DOCK8: variants seen among roughly 807,000 people sequenced by gnomAD.
DOCK8 encodes the protein dedicator of cytokinesis 8, also known as dedicator of cytokinesis protein 8.
Under a neutral mutation model 245.6 loss-of-function variants are expected in DOCK8, and 141 were observed. The ratio of observed to expected loss-of-function variants is 0.57; its 90% CI spans 0.50 to 0.66. The LOEUF is 0.66. DOCK8 is among the 30% of genes least tolerant of loss of function. The pLI is 0.00. For synonymous variants in DOCK8, 1,168 were observed against 970.2 expected (o/e 1.20, Z -3.79); for missense variants, 2,965 against 2,603.4 (o/e 1.14, Z -3.02).
At chr9:403,334 G>A (rs1213090528) in intron 26 of DOCK8, among the ~76,000 whole-genome samples, 1 of 152,170 alleles carries the variant, frequency 6.6e-6, no homozygotes, top group African/African-American at 2.4e-5. Context: ...TAAGTGACAG[G>A]CACATGACCA....
intron 14 of DOCK8, among the ~76,000 whole-genome samples, chr9:354,679 G>A (rs1255388287): frequency 6.6e-6 from 1 of 152,164 alleles, no homozygotes; most frequent in Non-Finnish European, 1.5e-5. Context: ...CTGTTGGCAG[G>A]ATGCAGTTGC....
At chr9:283,861 C>T (rs1287203642) in intron 2 of DOCK8, among the ~76,000 whole-genome samples, 2 of 152,036 alleles carry the variant, frequency 1.3e-5, no homozygotes, top group African/African-American at 4.8e-5. Flanking sequence ...GGTTCCATCC[C>T]GTGGATGTCT....
At chr9:437,553 A>T (rs2056946044) in intron 39 of DOCK8, among the ~76,000 whole-genome samples, 1 of 152,224 alleles carries the variant, frequency 6.6e-6, no homozygotes. Context: ...CTAAATCAGG[A>T]TGCCTTACTT....
upstream of DOCK8, among the ~76,000 whole-genome samples, chr9:212,455 TC>T: frequency 6.6e-6 from 1 of 152,300 alleles, no homozygotes; most frequent in African/African-American, 2.4e-5. Flanking sequence ...CCCAGAGTTC[TC>T]TCTGGACAGA....
intron 7 of DOCK8, among the ~76,000 whole-genome samples, chr9:324,593 C>T (rs2050671955): frequency 6.6e-6 from 1 of 152,162 alleles, no homozygotes; most frequent in Admixed American, 6.5e-5. Context: ...TTCTAGCTCT[C>T]ATGGGGCCCA....
intron 27 of DOCK8, among the ~76,000 whole-genome samples, chr9:406,097 G>C (rs113301756): frequency 0.01 from 1,556 of 152,262 alleles, 19 homozygotes; most frequent in African/African-American, 0.034. Context: ...ACAAATACAG[G>C]ACAGGAATTA....
At chr9:409,621 G>A (rs1337949439) in intron 28 of DOCK8, among the ~76,000 whole-genome samples, 5 of 151,904 alleles carry the variant, frequency 3.3e-5, no homozygotes, top group Non-Finnish European at 1.5e-5. Context: ...TAGGGTACAT[G>A]TATACAACAT....
intron 9 of DOCK8, 85 bp downstream of exon 9, chr9:328,256 C>G: frequency 6.8e-7 from 1 of 1,476,144 alleles, no homozygotes; most frequent in Non-Finnish European, 9.2e-7. Flanking sequence ...CACGCAATCT[C>G]AGAATGTGTC....
chr9:345,134 A>G (rs540193499), intron 14 of DOCK8, among the ~76,000 whole-genome samples: 15 of 152,330 alleles, frequency 9.8e-5, no homozygotes, highest in African/African-American at 3.6e-4. Flanking sequence ...TCATTCCAAG[A>G]GTCTGTCAGG....
rs12344412 is a variant in DOCK8, at chr9:316,685, G to A, written c.742-358G>A. On this transcript the variant is annotated intron_variant, in intron 6 of 47. Coordinates refer to ENST00000432829, the MANE Select transcript of DOCK8 (RefSeq NM_203447.4). The stretch of plus-strand genomic sequence containing the variant: ...CCTTGACAGGAGAAATATTGCAAAT[G>A]TGTAATTAGAGTGGGCAAAAAACAC... Among the ~76,000 whole-genome samples the A allele has an allele frequency of 0.014, 2,107 of 152,286 alleles. 51 individuals carry two copies. The highest frequency in any genetic ancestry group is 0.048 in the African/African-American group (1,990 of 41,554).
chr9:299,620 T>A (rs1226484648), intron 4 of DOCK8, among the ~76,000 whole-genome samples: 27 of 151,958 alleles, frequency 1.8e-4, no homozygotes, highest in African/African-American at 6.3e-4. Flanking sequence ...TATTCAGAGT[T>A]CACCTGTTTA....
intron 2 of DOCK8, among the ~76,000 whole-genome samples, chr9:283,648 GTCTT>G (rs1368903352): frequency 2.0e-5 from 3 of 152,098 alleles, no homozygotes; most frequent in East Asian, 3.9e-4. Context: ...TGTGATATCT[GTCTT>G]TCTGTTTCTG....
At chr9:432,511 C>T (rs2056755820) in intron 37 of DOCK8, among the ~76,000 whole-genome samples, 187 bp downstream of exon 37, 2 of 152,096 alleles carry the variant, frequency 1.3e-5, no homozygotes, top group East Asian at 1.9e-4. Context: ...CATCACTGTC[C>T]CCAGTCTCAA....
chr9:230,026 G>A (rs188248858), intron 1 of DOCK8, among the ~76,000 whole-genome samples: 4,641 of 151,126 alleles, frequency 0.031, 214 homozygotes, highest in African/African-American at 0.11. Context: ...TTAGCATTAG[G>A]TATATCTCCT....
chr9:375,922 A>G (rs2053495757), intron 18 of DOCK8, among the ~76,000 whole-genome samples: 2 of 152,200 alleles, frequency 1.3e-5, no homozygotes, highest in African/African-American at 4.8e-5. Flanking sequence ...ATTTGAGCCC[A>G]GGAGGTCGAG....
intron 1 of DOCK8, among the ~76,000 whole-genome samples, chr9:219,712 C>T (rs1283201304): frequency 1.3e-5 from 2 of 152,066 alleles, no homozygotes; most frequent in African/African-American, 4.8e-5. Context: ...GCCTGGGCAA[C>T]ATAGCAAAAC....
At chr9:445,996 C>A (rs1418965280) in intron 43 of DOCK8, among the ~76,000 whole-genome samples, 1 of 152,230 alleles carries the variant, frequency 6.6e-6, no homozygotes, top group Non-Finnish European at 1.5e-5. Flanking sequence ...TTAGTTCGGC[C>A]ATTCATGCTT....
rs2131813614 is a variant in DOCK8 at position 441,915 on chromosome 9, T to A, written c.5396T>A (p.Phe1799Tyr). The change falls in exon 42 of 48, where the codon TTC (phenylalanine) becomes TAC (tyrosine). Residue 1799 changes from phenylalanine (F) to tyrosine (Y), a missense_variant. Physicochemically the swap from Phe to Tyr is conservative, Grantham distance 22. Around this residue, in one of 3 missense-constraint regions of DOCK8, gnomAD observed 2,825 missense variants for 2,453.5 expected, o/e 1.15. Transcript: ENST00000432829. ...RMFGTYFRVG[F>Y]FGSKFGDLDE... ...TTTGGAACCTACTTCCGAGTTGGTTTCTTTGGATCCAAATTTGGGGATTTG... is the reference window on the plus strand; with the variant it reads ...TTTGGAACCTACTTCCGAGTTGGTTACTTTGGATCCAAATTTGGGGATTTG... The A allele has an allele frequency of 1.9e-6, 3 of 1,614,176 alleles. No individual in the cohort carries two copies. The highest frequency in any genetic ancestry group is 2.5e-6 in the Non-Finnish European group (3 of 1,180,038).
chr9:447,428 G>C (rs188205235), intron 44 of DOCK8, among the ~76,000 whole-genome samples: 1 of 152,046 alleles, frequency 6.6e-6, no homozygotes, highest in East Asian at 1.9e-4. Flanking sequence ...TTTCAGTTTT[G>C]CTTTGTGTAA....
Sources: allele counts gnomAD v4.1 joint callset (sites outside exome capture counted in the v4.1 genomes callset), GRCh38; gene constraint gnomAD v4.1.1; regional missense constraint gnomAD v4.1.1; transcripts MANE v1.5; gene names NCBI Gene and HGNC (gene_info 2026-07-23, HGNC 2026-07-21).